FAM135B: variants seen among roughly 807,000 people sequenced by gnomAD.
FAM135B encodes the protein protein FAM135B.
FAM135B carries 43 observed loss-of-function variants against 127.7 expected under a neutral mutation model. The ratio of observed to expected loss-of-function variants is 0.34; its 90% confidence interval spans 0.26 to 0.43. FAM135B has a LOEUF of 0.43. FAM135B is among the 20% of genes least tolerant of loss of function. FAM135B has a pLI of 1.00. For synonymous variants in FAM135B, 670 were observed against 665.1 expected, an observed-to-expected ratio of 1.01 and a Z score of -0.11; for missense variants, 1,558 against 1,725.6, an observed-to-expected ratio of 0.90 and a Z score of 1.72.
intron 9 of FAM135B, among the ~76,000 whole-genome samples, chr8:138,188,831 C>T (rs1312146423): frequency 1.3e-5 from 2 of 152,152 alleles, no homozygotes; most frequent in Non-Finnish European, 2.9e-5. Context: ...AGCCTCCTCT[C>T]TCAGGTCCAC....
At chr8:138,221,768 GC>G (rs1205389659) in intron 7 of FAM135B, among the ~76,000 whole-genome samples, 1 of 152,180 alleles carries the variant, frequency 6.6e-6, no homozygotes, top group Non-Finnish European at 1.5e-5. Flanking sequence ...TAAAAAGCAA[GC>G]TTTGGAAAGA....
intron 3 of FAM135B, among the ~76,000 whole-genome samples, chr8:138,300,453 C>T (rs575290095): frequency 6.6e-6 from 1 of 152,184 alleles, no homozygotes; most frequent in East Asian, 1.9e-4. Context: ...GTGCTTTCCA[C>T]CAGCACCCAA....
chr8:138,439,513 T>A (rs1479748305), intron 1 of FAM135B: 2 of 152,164 alleles, frequency 1.3e-5, no homozygotes, highest in Non-Finnish European at 2.9e-5. Flanking sequence ...GAGGAGGACA[T>A]TTCCTAGGGG....
At chr8:138,339,601 AAACTGGGACACAGATTGC>A (rs1332484860) in intron 2 of FAM135B, among the ~76,000 whole-genome samples, 1 of 152,120 alleles carries the variant, frequency 6.6e-6, no homozygotes, top group Non-Finnish European at 1.5e-5. Context: ...GCCTTTGACA[AAACTGGGACACAGATTGC>A]ATATGTGTCA....
At chr8:138,295,768 A>G (rs1300923166) in intron 3 of FAM135B, among the ~76,000 whole-genome samples, 2 of 152,232 alleles carry the variant, frequency 1.3e-5, no homozygotes, top group Non-Finnish European at 2.9e-5. Flanking sequence ...CAGATGAAAT[A>G]TTAAGGAAAG....
chr8:138,222,339 A>C (rs1462963629), intron 7 of FAM135B, among the ~76,000 whole-genome samples: 1 of 152,142 alleles, frequency 6.6e-6, no homozygotes, highest in Non-Finnish European at 1.5e-5. Context: ...TCACAATTGC[A>C]ACTCATAACT....
chr8:138,166,338 C>G (rs779900746), intron 12 of FAM135B, among the ~76,000 whole-genome samples: 2 of 152,204 alleles, frequency 1.3e-5, no homozygotes, highest in Non-Finnish European at 2.9e-5. Context: ...TGCCCACTCC[C>G]CACTTGACCT....
chr8:138,362,831 C>T (rs1320888828), intron 2 of FAM135B, among the ~76,000 whole-genome samples: 5 of 152,190 alleles, frequency 3.3e-5, no homozygotes, highest in Non-Finnish European at 7.3e-5. Context: ...GTAAACACCT[C>T]AATGGCAGGG....
At chr8:138,355,910 G>A (rs1021957399) in intron 2 of FAM135B, among the ~76,000 whole-genome samples, 9 of 152,164 alleles carry the variant, frequency 5.9e-5, no homozygotes, top group Non-Finnish European at 1.3e-4. Context: ...CCTCCTAACG[G>A]TGTTAAGAGG....
chr8:138,354,238 C>T (rs1386851684), intron 2 of FAM135B, among the ~76,000 whole-genome samples: 1 of 152,124 alleles, frequency 6.6e-6, no homozygotes, highest in African/African-American at 2.4e-5. Context: ...ATCCCAGCTC[C>T]AGAAGGGGAC....
chr8:138,234,572 C>A (rs946301783), intron 7 of FAM135B, among the ~76,000 whole-genome samples: 1 of 152,200 alleles, frequency 6.6e-6, no homozygotes, highest in Admixed American at 6.5e-5. Context: ...CCACATGTAA[C>A]CACAGGGATG....
In FAM135B at chr8:138,141,155, C is replaced by A. The variant is rs1308803750; in HGVS notation, c.3790+43G>T. 6.3e-7 allele frequency: 1 copy of A among 1,598,452 alleles called. No individual in the cohort carries two copies. The highest frequency in any genetic ancestry group is 1.3e-5 in the African/African-American group (1 of 74,454). ...TGCCCGGTTTCACGCCCCAGAGGCC[C>A]CAGATTAATTCTGAGGAATGACGAG... On this transcript the variant is annotated intron_variant, in intron 17 of 19. Coordinates refer to ENST00000395297, the MANE Select transcript of FAM135B (RefSeq NM_015912.4). This position sits in a 1 kb window ranked among gnomAD's most constrained non-coding sequence, Gnocchi z 4.7.
intron 7 of FAM135B, among the ~76,000 whole-genome samples, chr8:138,202,296 T>A (rs944483207): frequency 6.6e-6 from 1 of 152,034 alleles, no homozygotes; most frequent in African/African-American, 2.4e-5. Flanking sequence ...GTTACCCAGG[T>A]TGGAGTACAG....
chr8:138,381,349 G>A (rs1479402520), intron 1 of FAM135B, among the ~76,000 whole-genome samples: 1 of 152,094 alleles, frequency 6.6e-6, no homozygotes, highest in African/African-American at 2.4e-5. Flanking sequence ...CTCTCTACCT[G>A]ACAAGCTCCC....
chr8:138,357,973 G>C (rs1476855750), intron 2 of FAM135B, among the ~76,000 whole-genome samples: 2 of 152,104 alleles, frequency 1.3e-5, no homozygotes, highest in Non-Finnish European at 1.5e-5. Flanking sequence ...ACCCAAGACT[G>C]GGTAATTTAA....
In FAM135B at chr8:138,335,075, T is replaced by C. The variant is rs532750526; in HGVS notation, c.78-24155A>G. Among the ~76,000 whole-genome samples the C allele has an allele frequency of 5.9e-5, 9 of 152,344 alleles. No homozygotes were observed. The East Asian group carries it at 1.7e-3, about 29-fold the overall frequency. ...TTCTTATTCTGCATTTTCTAGTTTG[T>C]TTAAATGAGTATACTGTGATTTTTT... is the stretch of plus-strand genomic sequence containing the variant. On this transcript the variant is annotated intron_variant, in intron 2 of 19. Transcript: ENST00000395297.
chr8:138,481,426 G>T (rs574625228), intron 1 of FAM135B, among the ~76,000 whole-genome samples: 5 of 152,342 alleles, frequency 3.3e-5, no homozygotes, highest in African/African-American at 1.2e-4. Flanking sequence ...TGCTCTGTTT[G>T]CATCCTTCAG....
chr8:138,368,152 G>C (rs1830878942), intron 1 of FAM135B, 150 bp from the exon 2 acceptor site: 3 of 614,794 alleles, frequency 4.9e-6, no homozygotes, highest in South Asian at 4.0e-5. Flanking sequence ...TCCTTTTATG[G>C]AAAAAGACAC....
At chr8:138,416,020 C>G (rs1587397184) in intron 1 of FAM135B, among the ~76,000 whole-genome samples, 1 of 152,160 alleles carries the variant, frequency 6.6e-6, no homozygotes, top group South Asian at 2.1e-4. Flanking sequence ...TCTCCCTTCC[C>G]TTGGAGCATT....
Sources: gnomAD v4.1 joint callset for allele counts (sites outside exome capture counted in the v4.1 genomes callset) on GRCh38, gnomAD v4.1.1 for gene constraint, Gnocchi (gnomAD v3.1) non-coding constraint, MANE v1.5 for transcripts, NCBI Gene and HGNC (gene_info 2026-07-23, HGNC 2026-07-21) for gene names.